Variants in NUBPL observed in about 807,000 individuals in gnomAD.
The protein encoded by NUBPL is NUBP iron-sulfur cluster assembly factor, mitochondrial, also known as iron-sulfur cluster transfer protein NUBPL.
A neutral mutation model predicts 45.7 loss-of-function variants in NUBPL; 31 were observed. That is an observed-to-expected ratio of 0.68 (90% CI 0.51 to 0.92). The LOEUF (loss-of-function observed/expected upper bound fraction) is 0.92. Among genes scored for constraint, NUBPL ranks in the 40% least tolerant of loss-of-function variants. The probability of loss-of-function intolerance (pLI) is 0.00; values close to 1 mark genes in which losing one functional copy is unlikely to be tolerated. For missense variants in NUBPL, 401 were observed against 398.7 expected (o/e 1.01, Z -0.05); for synonymous variants, 144 against 140.9 (o/e 1.02, Z -0.15).
intron 3 of NUBPL, among the ~76,000 whole-genome samples, chr14:31,589,687 A>C (rs2034092699): frequency 6.6e-6 from 1 of 152,128 alleles, no homozygotes; most frequent in African/African-American, 2.4e-5. Context: ...CACACACACC[A>C]CATTCACCCT....
At chr14:31,806,777 C>A (rs1027019939) in intron 7 of NUBPL, among the ~76,000 whole-genome samples, 1 of 152,086 alleles carries the variant, frequency 6.6e-6, no homozygotes, top group Non-Finnish European at 1.5e-5. Context: ...TCCCATCCCC[C>A]CACACCACGA....
chr14:31,669,536 G>A (rs1362757796), intron 4 of NUBPL, among the ~76,000 whole-genome samples: 2 of 151,770 alleles, frequency 1.3e-5, no homozygotes, highest in South Asian at 4.2e-4. Flanking sequence ...ACATGTCACA[G>A]GGGTTTGTTG....
chr14:31,767,265 C>T lies in NUBPL; in HGVS notation c.514-20515C>T, dbSNP rs190561699. Among the ~76,000 whole-genome samples the T allele has an allele frequency of 1.2e-4, 18 of 152,248 alleles. No individual in the cohort carries two copies. In the East Asian group the frequency reaches 2.5e-3, roughly 21 times the overall value. On this transcript the variant is annotated intron_variant, in intron 6 of 10. Transcript: ENST00000281081. ...AGCTCTTGGCTGGAGTGCAGTGGCGCGATCTCGGCTCACTGCAAGCTCTGC... is the reference window on the plus strand; with the variant it reads ...AGCTCTTGGCTGGAGTGCAGTGGCGTGATCTCGGCTCACTGCAAGCTCTGC...
At chr14:31,816,115 G>T (rs2138926406) in intron 7 of NUBPL, among the ~76,000 whole-genome samples, 1 of 152,296 alleles carries the variant, frequency 6.6e-6, no homozygotes, top group East Asian at 1.9e-4. Context: ...GAATGGTACA[G>T]TTCCTCTTTG....
chr14:31,720,479 G>A (rs1456192379), intron 6 of NUBPL, among the ~76,000 whole-genome samples: 3 of 152,102 alleles, frequency 2.0e-5, no homozygotes, highest in African/African-American at 7.2e-5. Context: ...GTCCCTTTTA[G>A]CCTCATTATT....
intron 6 of NUBPL, among the ~76,000 whole-genome samples, chr14:31,682,674 T>C (rs544190865): frequency 2.0e-5 from 3 of 152,342 alleles, no homozygotes; most frequent in African/African-American, 7.2e-5. Context: ...TCCCTCTTGG[T>C]ATTATTATTC....
intron 3 of NUBPL, among the ~76,000 whole-genome samples, chr14:31,567,521 G>A (rs568486333): frequency 4.6e-5 from 7 of 152,154 alleles, no homozygotes; most frequent in African/African-American, 1.7e-4. Context: ...AGATGTCTTT[G>A]ACTATTTTTC....
At chr14:31,633,687 TC>T in intron 4 of NUBPL, among the ~76,000 whole-genome samples, 1 of 152,194 alleles carries the variant, frequency 6.6e-6, no homozygotes, top group Non-Finnish European at 1.5e-5. Context: ...CCATGACAGC[TC>T]TATTTATTAA....
At chr14:31,592,817 C>T (rs2034176998) in intron 3 of NUBPL, among the ~76,000 whole-genome samples, 1 of 152,092 alleles carries the variant, frequency 6.6e-6, no homozygotes, top group African/African-American at 2.4e-5. Context: ...GCAGCCCGGA[C>T]CGAATGAATC....
chr14:31,846,637 A>G, intron 9 of NUBPL, 46 bp downstream of exon 9: 1 of 1,608,446 alleles, frequency 6.2e-7, no homozygotes, highest in Non-Finnish European at 8.5e-7. Context: ...GCAGAAGAGA[A>G]AGTGGGGATG....
chr14:31,704,139 G>C (rs1435365287), intron 6 of NUBPL, among the ~76,000 whole-genome samples: 1 of 152,132 alleles, frequency 6.6e-6, no homozygotes, highest in African/African-American at 2.4e-5. Context: ...TGTTGGTTCT[G>C]TGAGTATTGG....
intron 3 of NUBPL, among the ~76,000 whole-genome samples, chr14:31,580,519 GA>G (rs2033834558): frequency 1.3e-5 from 2 of 152,254 alleles, no homozygotes; most frequent in Admixed American, 1.3e-4. Flanking sequence ...TCAGAAGGCT[GA>G]GGCAGATCAC....
At chr14:31,605,370 C>G (rs968085956) in intron 4 of NUBPL, among the ~76,000 whole-genome samples, 17 of 152,240 alleles carry the variant, frequency 1.1e-4, no homozygotes, top group African/African-American at 4.1e-4. Flanking sequence ...ACTGAAGAGT[C>G]TTTAAATGTA....
At chr14:31,638,726 C>T (rs1221905652) in intron 4 of NUBPL, among the ~76,000 whole-genome samples, 1 of 152,174 alleles carries the variant, frequency 6.6e-6, no homozygotes, top group Non-Finnish European at 1.5e-5. Context: ...TCAGGTACAC[C>T]AATCAGACGT....
chr14:31,608,247 A>G (rs1234320616), intron 4 of NUBPL, among the ~76,000 whole-genome samples: 2 of 152,186 alleles, frequency 1.3e-5, no homozygotes, highest in African/African-American at 4.8e-5. Flanking sequence ...TAAAGGGAAT[A>G]CTTCATCAGA....
intron 6 of NUBPL, among the ~76,000 whole-genome samples, chr14:31,704,916 G>A (rs1017941407): frequency 2.0e-5 from 3 of 152,172 alleles, no homozygotes; most frequent in South Asian, 2.1e-4. Context: ...TGGTATGTCC[G>A]GAGTTTGTTC....
chr14:31,663,024 G>A (rs948887304), intron 4 of NUBPL, among the ~76,000 whole-genome samples: 2 of 152,032 alleles, frequency 1.3e-5, no homozygotes, highest in African/African-American at 4.8e-5. Context: ...ATATTTGTTG[G>A]CTACATAAAT....
rs558116840 is a variant in NUBPL, at chr14:31,576,014, A to G, written c.291+10966A>G. Among the ~76,000 whole-genome samples the G allele has an allele frequency of 2.2e-3, 329 of 152,306 alleles. 1 individual carries two copies. Among genetic ancestry groups the G allele is most frequent in the African/African-American group, 7.6e-3 (314 of 41,566 alleles). On this transcript the variant is annotated intron_variant, in intron 3 of 10. Coordinates refer to ENST00000281081, the MANE Select transcript of NUBPL (RefSeq NM_025152.3). ...TCACACATTTCATGTTCACTGAGAGAGGGGCTCAGAAACTATATTTGTAAT... is the reference window on the plus strand; with the variant it reads ...TCACACATTTCATGTTCACTGAGAGGGGGGCTCAGAAACTATATTTGTAAT...
chr14:31,701,333 G>C (rs918204564), intron 6 of NUBPL, among the ~76,000 whole-genome samples: 13 of 152,062 alleles, frequency 8.5e-5, no homozygotes, highest in African/African-American at 3.1e-4. Context: ...GTCTAGCTCA[G>C]GGATCGTAAA....
Sources: allele counts gnomAD v4.1 joint callset (sites outside exome capture counted in the v4.1 genomes callset), GRCh38; gene constraint gnomAD v4.1.1; transcripts MANE v1.5; gene names NCBI Gene and HGNC (gene_info 2026-07-23, HGNC 2026-07-21).